HTR4: variants seen among roughly 807,000 people sequenced by gnomAD.
HTR4 encodes the protein 5-hydroxytryptamine receptor 4, also known as 5-hydroxytryptamine (serotonin) receptor 4, G protein-coupled.
A neutral mutation model predicts 36.8 loss-of-function variants in HTR4; 16 were observed. The observed-to-expected ratio is 0.43, with a 90% CI of 0.29 to 0.66. The LOEUF (loss-of-function observed/expected upper bound fraction) is 0.66, where lower values mean the gene tolerates loss of function less well. Among genes scored for constraint, HTR4 ranks in the 30% least tolerant of loss-of-function variants. The pLI, the probability that HTR4 is intolerant of heterozygous loss-of-function variation, is 0.13. For synonymous variants in HTR4, 189 were observed against 185.1 expected (o/e 1.02, Z -0.17); for missense variants, 438 against 490.9 (o/e 0.89, Z 1.02).
chr5:148,544,023 G>A (rs886358774), intron 4 of HTR4, among the ~76,000 whole-genome samples: 1 of 152,104 alleles, frequency 6.6e-6, no homozygotes, highest in Non-Finnish European at 1.5e-5. Context: ...CAGTTAAAAG[G>A]CTATTGTGGA....
intron 2 of HTR4, among the ~76,000 whole-genome samples, chr5:148,551,855 G>C (rs1759712172): frequency 6.6e-6 from 1 of 152,152 alleles, no homozygotes; most frequent in African/African-American, 2.4e-5. Flanking sequence ...ACAGGCCATG[G>C]GTTAGACAAG....
chr5:148,529,452 A>T (rs552849801), intron 4 of HTR4, among the ~76,000 whole-genome samples: 2 of 152,202 alleles, frequency 1.3e-5, no homozygotes, highest in South Asian at 4.1e-4. Context: ...ATAAAGGGGA[A>T]TTTCCCTGCA....
At chr5:148,510,584 T>C (rs958307567) in intron 5 of HTR4, among the ~76,000 whole-genome samples, 2 of 152,232 alleles carry the variant, frequency 1.3e-5, no homozygotes, top group African/African-American at 4.8e-5. Flanking sequence ...CCCTGAAAGA[T>C]CTACTAATTC....
At chr5:148,481,398 G>A (rs1417623856), downstream of HTR4, 18 of 653,420 alleles carry the variant, frequency 2.8e-5, no homozygotes, top group Middle Eastern at 2.5e-4. Context: ...GAGAATCCCA[G>A]TCTACACAAA....
intron 3 of HTR4, 41 bp downstream of exon 3, chr5:148,550,096 A>G (rs756448991): frequency 1.2e-6 from 2 of 1,611,472 alleles, no homozygotes; most frequent in Non-Finnish European, 1.7e-6. Context: ...GACAGCTCAG[A>G]ACTCCCATGT....
At chr5:148,478,789 C>T (rs2113712286), downstream of HTR4, among the ~76,000 whole-genome samples, 1 of 152,158 alleles carries the variant, frequency 6.6e-6, no homozygotes, top group South Asian at 2.1e-4. Context: ...CTTGTCCACC[C>T]CTGGCATTTT....
intron 5 of HTR4, among the ~76,000 whole-genome samples, chr5:148,467,555 A>G (rs1451826987): frequency 2.0e-5 from 3 of 152,326 alleles, no homozygotes; most frequent in Non-Finnish European, 4.4e-5. Flanking sequence ...TTCCACCACA[A>G]CATGCTTAAA....
At position 148,509,620 on chromosome 5, in the gene HTR4, A is replaced by G. The variant is rs1299684512; in HGVS notation, c.912T>C (p.Asn304=). The G allele has an allele frequency of 6.2e-7, 1 of 1,613,976 alleles. No homozygotes were observed. Among genetic ancestry groups the G allele is most frequent in the Non-Finnish European group, 8.5e-7 (1 of 1,179,986 alleles). ...WTAFLWLGYI[N]SGLNPFLYAF... ...CGTAGAGAAAAGGGTTCAACCCGGA[A>G]TTGATATAGCCGAGCCAGAGGAAAG... is the stretch of plus-strand genomic sequence containing the variant. Residue 304 remains asparagine (N), a synonymous_variant, in exon 6 of 7, where the codon AAT becomes AAC. Transcript: ENST00000377888.
chr5:148,482,032 G>T lies in HTR4; in HGVS notation c.*1171C>A. The T allele has an allele frequency of 2.0e-6, 2 of 985,112 alleles. No homozygotes were observed. Among genetic ancestry groups the T allele is most frequent in the Non-Finnish European group, 2.4e-6 (2 of 827,654 alleles). The allele number at this position is 985,112 out of a possible 1,614,324, so 61.0% of individuals were successfully genotyped here. On this transcript the variant is annotated 3_prime_UTR_variant, in exon 7 of 7. Coordinates refer to ENST00000377888, the MANE Select transcript of HTR4 (RefSeq NM_000870.7). The stretch of plus-strand genomic sequence containing the variant: ...AAGGTCCTCTAGTCCAAGCTTGAGT[G>T]CACAGATGTGGAAAGTGGGGTCCAG...
At chr5:148,567,297 C>T (rs1760485154) in intron 2 of HTR4, among the ~76,000 whole-genome samples, 1 of 152,096 alleles carries the variant, frequency 6.6e-6, no homozygotes, top group South Asian at 2.1e-4. Flanking sequence ...ATCAGTGGTG[C>T]CACTAATATT....
intron 2 of HTR4, among the ~76,000 whole-genome samples, chr5:148,561,823 A>T (rs1760226496): frequency 6.6e-6 from 1 of 152,124 alleles, no homozygotes; most frequent in Non-Finnish European, 1.5e-5. Flanking sequence ...TAAATCATTT[A>T]CCCTAAGCAT....
At chr5:148,522,884 A>G (rs1458018297) in intron 5 of HTR4, among the ~76,000 whole-genome samples, 2 of 152,098 alleles carry the variant, frequency 1.3e-5, no homozygotes, top group Non-Finnish European at 2.9e-5. Flanking sequence ...TCAAATATCA[A>G]GGGTGGGGGA....
At chr5:148,564,834 C>T (rs1440065369) in intron 2 of HTR4, among the ~76,000 whole-genome samples, 2 of 151,916 alleles carry the variant, frequency 1.3e-5, no homozygotes, top group South Asian at 2.1e-4. Flanking sequence ...AAATTTGGCC[C>T]GATGTGGTGG....
At chr5:148,615,989 A>G (rs1329334013) in intron 2 of HTR4, among the ~76,000 whole-genome samples, 1 of 151,980 alleles carries the variant, frequency 6.6e-6, no homozygotes, top group Non-Finnish European at 1.5e-5. Context: ...CTCCTTTTCT[A>G]TTTTTCAATA....
Position 148,640,742 on chromosome 5 carries a change from C to A in HTR4, c.-47-3681G>T, listed in dbSNP as rs565503252. 5.3e-5 allele frequency among the ~76,000 whole-genome samples: 8 copies of A among 152,214 alleles called. No individual in the cohort carries two copies. The East Asian group carries it at 1.3e-3, about 26-fold the overall frequency. On this transcript the variant is annotated intron_variant, in intron 1 of 6. Transcript: ENST00000377888. ...AATGCTGAGTAATATACAATAAAAT[C>A]AATATTGTATTGTTTTGCAGATTAA...
Position 148,511,225 on chromosome 5 carries a change from G to A in HTR4, c.508-1201C>T, listed in dbSNP as rs1167467600. Reference sequence around the variant, plus strand: ...ATAAAGTACATAAAGTGTATATACAGATGAATCAATTATTACATAGTAAAT... The same window carrying A: ...ATAAAGTACATAAAGTGTATATACAAATGAATCAATTATTACATAGTAAAT... On this transcript the variant is annotated intron_variant, in intron 5 of 6. Transcript: ENST00000377888. Among the ~76,000 whole-genome samples, 3 of 152,096 alleles carry A rather than the reference G, an allele frequency of 2.0e-5. No individual in the cohort carries two copies. In the East Asian group the frequency reaches 5.8e-4, roughly 29 times the overall value.
intron 5 of HTR4, among the ~76,000 whole-genome samples, chr5:148,511,444 A>G (rs572603448): frequency 2.6e-5 from 4 of 151,396 alleles, no homozygotes; most frequent in Non-Finnish European, 5.9e-5. Context: ...CTTCTTTAAT[A>G]TTGTATCACT....
At chr5:148,601,484 T>C (rs1228522750) in intron 2 of HTR4, among the ~76,000 whole-genome samples, 6 of 152,096 alleles carry the variant, frequency 3.9e-5, no homozygotes, top group African/African-American at 7.2e-5. Flanking sequence ...GTGATAAATA[T>C]ATGCAGTGGA....
At position 148,509,605 on chromosome 5, in the gene HTR4, A is replaced by T. The variant is rs1245193077; in HGVS notation, c.927T>A (p.Pro309=). 2 of 1,613,986 alleles carry T rather than the reference A, an allele frequency of 1.2e-6. No homozygotes were observed. The highest frequency in any genetic ancestry group is 4.5e-5 in the East Asian group (2 of 44,874). The part of the protein sequence containing the change: ...WLGYINSGLN[P]FLYAFLNKSF... Reference sequence around the variant, plus strand: ...ACTTATTCAAGAAGGCGTAGAGAAAAGGGTTCAACCCGGAATTGATATAGC... The same window carrying T: ...ACTTATTCAAGAAGGCGTAGAGAAATGGGTTCAACCCGGAATTGATATAGC... The change falls in exon 6 of 7, where the codon CCT becomes CCA. Residue 309 remains proline (P), a synonymous_variant. Coordinates refer to ENST00000377888, the MANE Select transcript of HTR4 (RefSeq NM_000870.7).
Sources: gnomAD v4.1 joint callset for allele counts (sites outside exome capture counted in the v4.1 genomes callset) on GRCh38, gnomAD v4.1.1 for gene constraint, MANE v1.5 for transcripts, NCBI Gene and HGNC (gene_info 2026-07-23, HGNC 2026-07-21) for gene names.